ECT2: variants seen among roughly 807,000 people sequenced by gnomAD.
ECT2 encodes the protein protein ECT2.
Under a neutral mutation model 116.9 loss-of-function variants are expected in ECT2, and 61 were observed. The ratio of observed to expected loss-of-function variants is 0.52; its 90% CI spans 0.42 to 0.65. ECT2 has a LOEUF of 0.65. Ranked by LOEUF, ECT2 falls within the 30% of genes least tolerant of loss-of-function variation. ECT2 has a pLI of 0.00. For synonymous variants in ECT2, 358 were observed against 346.4 expected (o/e 1.03, Z -0.37); for missense variants, 937 against 1,078.7 (o/e 0.87, Z 1.84).
chr3:172,795,201 G>A (rs532850086), intron 18 of ECT2, among the ~76,000 whole-genome samples: 11 of 151,824 alleles, frequency 7.2e-5, no homozygotes, highest in African/African-American at 2.2e-4. Context: ...TGTGGTGTGC[G>A]CCTGTAGTTC....
intron 4 of ECT2, among the ~76,000 whole-genome samples, chr3:172,756,299 A>AT (rs559358985): frequency 5.9e-5 from 9 of 151,396 alleles, no homozygotes; most frequent in Non-Finnish European, 8.8e-5. Context: ...TTAAAAAAAA[A>AT]TTTTTTTTTT....
intron 18 of ECT2, among the ~76,000 whole-genome samples, chr3:172,795,700 A>G: frequency 6.6e-6 from 1 of 152,222 alleles, no homozygotes; most frequent in Admixed American, 6.5e-5. Context: ...ATGTAACTGT[A>G]AATGGGATAA....
At chr3:172,754,471 C>A in intron 1 of ECT2, 38 bp from the exon 2 acceptor site, 1 of 1,430,962 alleles carries the variant, frequency 7.0e-7, no homozygotes, top group Non-Finnish European at 9.4e-7. Context: ...GCCCAATGAC[C>A]ATGTTTATGT....
chr3:172,764,784 T>A (rs771064263), intron 12 of ECT2, among the ~76,000 whole-genome samples: 78 of 152,330 alleles, frequency 5.1e-4, no homozygotes, highest in Admixed American at 4.6e-4. Flanking sequence ...TTAAGTAATT[T>A]CTCCAGGGTC....
rs181305039 is a variant in ECT2 at position 172,770,058 on chromosome 3, G to A, written c.1428+915G>A. ...GACATGGAAAGACTTCTTACTTGATGGTCATAGAGAAGTTATTTTTCATGG... is the reference window on the plus strand; with the variant it reads ...GACATGGAAAGACTTCTTACTTGATAGTCATAGAGAAGTTATTTTTCATGG... On this transcript the variant is annotated intron_variant, in intron 13 of 24. Transcript: ENST00000392692. Among the ~76,000 whole-genome samples the A allele has an allele frequency of 2.0e-5, 3 of 152,238 alleles. No homozygotes were observed. In the East Asian group the frequency reaches 5.8e-4, roughly 29 times the overall value.
At chr3:172,821,560 T>A (rs1730684930), downstream of ECT2, 1 of 151,938 alleles carries the variant, frequency 6.6e-6, no homozygotes, top group Non-Finnish European at 1.5e-5. Flanking sequence ...TTTTGTGTAC[T>A]TGCTTGCTTA....
At chr3:172,792,520 TAC>T (rs1724870772) in intron 18 of ECT2, among the ~76,000 whole-genome samples, 1 of 152,008 alleles carries the variant, frequency 6.6e-6, no homozygotes, top group African/African-American at 2.4e-5. Flanking sequence ...TTTCAATAGT[TAC>T]TTTTATTTTC....
intron 8 of ECT2, 145 bp downstream of exon 8, chr3:172,761,828 A>G (rs567810934): frequency 4.5e-6 from 2 of 447,470 alleles, no homozygotes; most frequent in East Asian, 7.0e-5. Context: ...TAGGGAGAAC[A>G]AGTTATAAAA....
At chr3:172,778,823 C>T (rs1488457986) in intron 14 of ECT2, among the ~76,000 whole-genome samples, 2 of 152,050 alleles carry the variant, frequency 1.3e-5, no homozygotes, top group Admixed American at 1.3e-4. Flanking sequence ...TCTCGAACTC[C>T]TGACCTTGTG....
intron 18 of ECT2, among the ~76,000 whole-genome samples, chr3:172,787,132 C>T (rs1215511566): frequency 6.6e-6 from 1 of 152,132 alleles, no homozygotes; most frequent in African/African-American, 2.4e-5. Context: ...CAGAAATGAT[C>T]TTCTGACTGT....
downstream of ECT2, among the ~76,000 whole-genome samples, chr3:172,825,078 G>A (rs915780109): frequency 2.0e-5 from 3 of 152,098 alleles, no homozygotes; most frequent in African/African-American, 7.2e-5. Flanking sequence ...GACCTCATGT[G>A]TCTGTGTCAC....
chr3:172,807,312 T>C (rs908620003), intron 21 of ECT2, among the ~76,000 whole-genome samples: 6 of 152,192 alleles, frequency 3.9e-5, no homozygotes, highest in South Asian at 2.1e-4. Flanking sequence ...ACTGTTTTTT[T>C]CTACTATTTT....
At chr3:172,779,308 A>G (rs546284565) in intron 14 of ECT2, among the ~76,000 whole-genome samples, 3 of 152,138 alleles carry the variant, frequency 2.0e-5, no homozygotes, top group Admixed American at 6.5e-5. Flanking sequence ...TTTCAAGTGC[A>G]TTTCTGAACA....
At chr3:172,776,019 C>T (rs1721598156) in intron 14 of ECT2, among the ~76,000 whole-genome samples, 1 of 152,090 alleles carries the variant, frequency 6.6e-6, no homozygotes, top group African/African-American at 2.4e-5. Flanking sequence ...GGACACCCTT[C>T]TTTGACAAAA....
chr3:172,797,041 T>TGTGTGTGA (rs936923348), intron 18 of ECT2, among the ~76,000 whole-genome samples: 2 of 151,576 alleles, frequency 1.3e-5, no homozygotes, highest in African/African-American at 4.8e-5. Flanking sequence ...TGTGTGTGTG[T>TGTGTGTGA]GTGTGTGTGT....
rs529670772 is a variant in ECT2, at chr3:172,796,037, G to GGA, written c.1908-6566_1908-6565dup. 1.3e-4 allele frequency among the ~76,000 whole-genome samples: 20 copies of GGA among 151,858 alleles called. No homozygotes were observed. The East Asian group carries it at 1.9e-3, about 15-fold the overall frequency. On this transcript the variant is annotated intron_variant, in intron 18 of 24. Transcript: ENST00000392692. ...AAAAATTGGAGGAAAAACCAGTGTG[G>GGA]GAGAGAGAGAGAGATGCAAAGATAG...
chr3:172,762,050 T>C (rs1718409995), intron 8 of ECT2, among the ~76,000 whole-genome samples: 1 of 152,146 alleles, frequency 6.6e-6, no homozygotes, highest in Non-Finnish European at 1.5e-5. Context: ...TTGCTTAGTT[T>C]TCCAAGCGCA....
chr3:172,805,287 G>C (rs549965899), intron 20 of ECT2, among the ~76,000 whole-genome samples: 73 of 151,924 alleles, frequency 4.8e-4, no homozygotes, highest in Non-Finnish European at 8.1e-4. Flanking sequence ...TTTAAACTCT[G>C]TACTAGCATT....
rs1716622020 is a variant in ECT2 at position 172,754,765 on chromosome 3, A to G, written c.130+105A>G. ...TTAATACCAACTGTAATGCTAGAGC[A>G]CAGGTATTAAGTAAATATTTGTTTA... is the stretch of plus-strand genomic sequence containing the variant. On this transcript the variant is annotated intron_variant, in intron 2 of 24. Transcript: ENST00000392692. The G allele has an allele frequency of 3.7e-6, 3 of 805,494 alleles. No homozygotes were observed. The East Asian group carries it at 8.4e-5, about 23-fold the overall frequency. The allele number at this position is 805,494 out of a possible 1,614,324, so 49.9% of individuals were successfully genotyped here. A position where few individuals can be genotyped will look rare whatever the true frequency, so the allele number is the denominator to read the frequency against.
Sources: allele counts gnomAD v4.1 joint callset (sites outside exome capture counted in the v4.1 genomes callset), GRCh38; gene constraint gnomAD v4.1.1; transcripts MANE v1.5; gene names NCBI Gene and HGNC (gene_info 2026-07-23, HGNC 2026-07-21).